Variants in PPM1E observed in about 807,000 individuals in gnomAD.
PPM1E encodes the protein protein phosphatase 1E.
PPM1E carries 20 observed loss-of-function variants against 65.9 expected under a neutral mutation model. That is an observed-to-expected ratio of 0.30 (90% CI 0.21 to 0.44). PPM1E has a LOEUF of 0.44. Ranked by LOEUF, PPM1E falls within the 20% of genes least tolerant of loss-of-function variation. PPM1E has a pLI of 1.00. For missense variants in PPM1E, 713 were observed against 953.1 expected, an observed-to-expected ratio of 0.75 and a Z score of 3.32; for synonymous variants, 352 against 374.9, an observed-to-expected ratio of 0.94 and a Z score of 0.70.
intron 1 of PPM1E, among the ~76,000 whole-genome samples, chr17:58,833,573 T>G (rs965195577): frequency 4.6e-5 from 7 of 152,076 alleles, no homozygotes; most frequent in African/African-American, 1.7e-4. Context: ...TCTTTTTTTA[T>G]GGCTGGATAG....
At chr17:58,870,782 T>G (rs975141814) in intron 1 of PPM1E, among the ~76,000 whole-genome samples, 8 of 152,200 alleles carry the variant, frequency 5.3e-5, no homozygotes, top group African/African-American at 1.9e-4. Flanking sequence ...TGAATCCAGC[T>G]TACGTTTCTA....
chr17:58,833,998 T>C (rs540206854), intron 1 of PPM1E, among the ~76,000 whole-genome samples: 1 of 152,336 alleles, frequency 6.6e-6, no homozygotes, highest in Admixed American at 6.5e-5. Flanking sequence ...TGATTAGTGA[T>C]GTGGAGCATT....
intron 1 of PPM1E, among the ~76,000 whole-genome samples, chr17:58,869,617 C>T (rs1317811693): frequency 6.6e-6 from 1 of 152,190 alleles, no homozygotes; most frequent in Non-Finnish European, 1.5e-5. Context: ...TCTTCTTGTA[C>T]AGTCTTCAGA....
chr17:58,823,167 G>A lies in PPM1E; in HGVS notation c.464+66706G>A, dbSNP rs537947120. ...GCACTTTTTAAACTATAAAGACAAC[G>A]TATAAAAATGAGGTTTTCATTTCTA... On this transcript the variant is annotated intron_variant, in intron 1 of 6. Transcript: ENST00000308249. Among the ~76,000 whole-genome samples the A allele has an allele frequency of 3.9e-5, 6 of 152,146 alleles. No homozygotes were observed. In the South Asian group the frequency reaches 6.2e-4, roughly 16 times the overall value.
At chr17:58,941,897 C>T (rs907095244) in intron 1 of PPM1E, among the ~76,000 whole-genome samples, 34 of 149,858 alleles carry the variant, frequency 2.3e-4, no homozygotes, top group African/African-American at 5.7e-4. Context: ...CCCAGCTACT[C>T]GGGGGAGTGA....
intron 1 of PPM1E, among the ~76,000 whole-genome samples, chr17:58,777,280 TTAAGA>T (rs1162166921): frequency 2.0e-5 from 3 of 152,190 alleles, no homozygotes; most frequent in South Asian, 4.1e-4. Context: ...AATAGCATAA[TTAAGA>T]TATTTTTATT....
chr17:58,949,574 T>TC (rs55782479), intron 1 of PPM1E, among the ~76,000 whole-genome samples: 2,551 of 152,354 alleles, frequency 0.017, 32 homozygotes, highest in Non-Finnish European at 0.028. Context: ...TTGACTGTTT[T>TC]CTGAGTATTT....
At chr17:58,770,161 T>C (rs2049922650) in intron 1 of PPM1E, among the ~76,000 whole-genome samples, 1 of 152,186 alleles carries the variant, frequency 6.6e-6, no homozygotes, top group Admixed American at 6.6e-5. Flanking sequence ...TTTGGAATCA[T>C]CATTGCAAAA....
chr17:58,905,417 G>T (rs1203916630), intron 1 of PPM1E, among the ~76,000 whole-genome samples: 3 of 152,058 alleles, frequency 2.0e-5, no homozygotes, highest in Admixed American at 1.3e-4. Context: ...TATCATTAAT[G>T]CGTGTTGAAT....
intron 1 of PPM1E, among the ~76,000 whole-genome samples, chr17:58,906,463 C>T (rs1349341615): frequency 2.0e-5 from 3 of 152,126 alleles, no homozygotes; most frequent in African/African-American, 7.2e-5. Flanking sequence ...CTCAACCTCC[C>T]GAGTACCTGG....
In PPM1E at chr17:58,755,872, G is replaced by C. The variant is rs1314200527; in HGVS notation, c.-126G>C. 1 of 1,497,320 alleles carries C rather than the reference G, an allele frequency of 6.7e-7. No individual in the cohort carries two copies. Among genetic ancestry groups the C allele is most frequent in the Non-Finnish European group, 8.9e-7 (1 of 1,124,386 alleles). The allele number at this position is 1,497,320 out of a possible 1,614,324, so 92.8% of individuals were successfully genotyped here. A position where few individuals can be genotyped will look rare whatever the true frequency, so the allele number is the denominator to read the frequency against. On this transcript the variant is annotated 5_prime_UTR_variant, in exon 1 of 7. Transcript: ENST00000308249. Reference sequence around the variant, plus strand: ...GGGAGCCCTCTCCAGGCAACCTAGTGCTGATCGCTCGTGCCGGTGCGGCCG... The same window carrying C: ...GGGAGCCCTCTCCAGGCAACCTAGTCCTGATCGCTCGTGCCGGTGCGGCCG...
intron 1 of PPM1E, among the ~76,000 whole-genome samples, chr17:58,883,311 TA>T (rs1051583311): frequency 5.9e-5 from 9 of 152,168 alleles, no homozygotes; most frequent in Non-Finnish European, 8.8e-5. Context: ...GAATGTTTTT[TA>T]AAAGTTTTGT....
intron 1 of PPM1E, among the ~76,000 whole-genome samples, chr17:58,782,663 C>T (rs1160877171): frequency 1.3e-5 from 2 of 151,538 alleles, no homozygotes; most frequent in Non-Finnish European, 2.9e-5. Context: ...CTGTCCACCT[C>T]GGCCTCCCAA....
Position 58,806,766 on chromosome 17 carries a change from C to T in PPM1E, c.464+50305C>T, listed in dbSNP as rs574813065. Among the ~76,000 whole-genome samples the T allele has an allele frequency of 2.7e-5, 4 of 145,704 alleles. No individual in the cohort carries two copies. The South Asian group carries it at 8.6e-4, about 31-fold the overall frequency. On this transcript the variant is annotated intron_variant, in intron 1 of 6. Transcript: ENST00000308249. ...CCAGGTTGGAGTGTAGTGGCGCCATCTCGGCTCACTGCAACCTCCACCTCC... is the reference window on the plus strand; with the variant it reads ...CCAGGTTGGAGTGTAGTGGCGCCATTTCGGCTCACTGCAACCTCCACCTCC...
chr17:58,911,721 T>G (rs1314921870), intron 1 of PPM1E, among the ~76,000 whole-genome samples: 1 of 152,226 alleles, frequency 6.6e-6, no homozygotes, highest in Non-Finnish European at 1.5e-5. Flanking sequence ...TACTGTATAC[T>G]AGGTGCTGTT....
chr17:58,847,132 G>A (rs1178022920), intron 1 of PPM1E, among the ~76,000 whole-genome samples: 1 of 152,068 alleles, frequency 6.6e-6, no homozygotes, highest in Admixed American at 6.6e-5. Context: ...ATTTTTTCTT[G>A]TAAATTTATT....
rs554229051 is a variant in PPM1E at position 58,979,322 on chromosome 17, TG to T, written c.1211-649del. ...CACCACTAAAAAATAGAAAGCCAAG[TG>T]GGTTGGGAATCAAGAAAACTGCATT... On this transcript the variant is annotated intron_variant, in intron 6 of 6. Coordinates refer to ENST00000308249, the MANE Select transcript of PPM1E (RefSeq NM_014906.5). Among the ~76,000 whole-genome samples, 19 of 152,148 alleles carry T rather than the reference TG, an allele frequency of 1.2e-4. No individual in the cohort carries two copies. In the East Asian group the frequency reaches 3.5e-3, roughly 28 times the overall value.
At chr17:58,868,108 C>T (rs758572797) in intron 1 of PPM1E, among the ~76,000 whole-genome samples, 1 of 152,066 alleles carries the variant, frequency 6.6e-6, no homozygotes, top group African/African-American at 2.4e-5. Flanking sequence ...GATGGGTCGA[C>T]TGCTTGAGTT....
Position 58,980,496 on chromosome 17 carries a change from G to T in PPM1E, c.1733G>T (p.Ser578Ile). Reference sequence around the variant, plus strand: ...CTAGATCTCACACAAATAGAAGCAAGCAAACCTCACAGTGCCCAGTTTTTG... The same window carrying T: ...CTAGATCTCACACAAATAGAAGCAATCAAACCTCACAGTGCCCAGTTTTTG... ...GYLDLTQIEA[S>I]KPHSAQFLLP... Residue 578 changes from serine to isoleucine, a missense_variant, in exon 7 of 7, where the codon AGC (serine) becomes ATC (isoleucine). Ser to Ile is a moderately radical substitution (Grantham distance 142). Around this residue, in one of 6 missense-constraint regions of PPM1E, gnomAD observed 286 missense variants for 313.8 expected, o/e 0.91. Coordinates refer to ENST00000308249, the MANE Select transcript of PPM1E (RefSeq NM_014906.5). This position sits in a 1 kb window ranked among gnomAD's most constrained non-coding sequence, Gnocchi z 4.7. 6.2e-7 allele frequency: 1 copy of T among 1,614,192 alleles called. No individual in the cohort carries two copies. The highest frequency in any genetic ancestry group is 1.3e-5 in the African/African-American group (1 of 75,046).
Sources: gnomAD v4.1 joint callset for allele counts (sites outside exome capture counted in the v4.1 genomes callset) on GRCh38, gnomAD v4.1.1 for gene constraint, gnomAD v4.1.1 regional missense constraint, Gnocchi (gnomAD v3.1) non-coding constraint, MANE v1.5 for transcripts, NCBI Gene and HGNC (gene_info 2026-07-23, HGNC 2026-07-21) for gene names.